The following RBBP7 variants were observed in gnomAD, a reference collection of about 807,000 sequenced individuals.
The protein encoded by RBBP7 is RB binding protein 7, chromatin remodeling factor.
Under a neutral mutation model 35.2 loss-of-function variants are expected in RBBP7, and 5 were observed. That is an observed-to-expected ratio of 0.14 (90% CI 0.07 to 0.30). The LOEUF (loss-of-function observed/expected upper bound fraction) is 0.30, where lower values mean the gene tolerates loss of function less well. Among genes scored for constraint, RBBP7 ranks in the 10% least tolerant of loss-of-function variants. The pLI, the probability that RBBP7 is intolerant of heterozygous loss-of-function variation, is 1.00. For missense variants in RBBP7, 155 were observed against 327.5 expected, an observed-to-expected ratio of 0.47 and a Z score of 4.07; for synonymous variants, 140 against 118.7, an observed-to-expected ratio of 1.18 and a Z score of -1.17.
intron 2 of RBBP7, 67 bp downstream of exon 2, chrX:16,869,009 G>A: frequency 2.7e-6 from 3 of 1,126,570 alleles, no homozygotes; most frequent in Non-Finnish European, 2.4e-6. Context: ...TGCATAAAAC[G>A]CCAAAACTAG....
At chrX:16,859,164 C>T (rs1930412173) in intron 3 of RBBP7, among the ~76,000 whole-genome samples, 2 of 112,535 alleles carry the variant, frequency 1.8e-5, no homozygotes, top group Non-Finnish European at 3.8e-5. Flanking sequence ...TTTCAAGTAA[C>T]CATATAATAA....
intron 3 of RBBP7, among the ~76,000 whole-genome samples, chrX:16,860,712 T>C (rs1268832882): frequency 4.6e-5 from 5 of 108,429 alleles, no homozygotes; most frequent in Non-Finnish European, 9.6e-5. Context: ...AAAAAATATA[T>C]ATACTGAATA....
chrX:16,853,033 T>C (rs1318932034), intron 6 of RBBP7, 158 bp from the exon 7 acceptor site: 3 of 855,218 alleles, frequency 3.5e-6, no homozygotes, highest in Non-Finnish European at 3.2e-6. Context: ...GACCACTAAA[T>C]GATACATTCG....
chrX:16,847,823 C>A (rs1440391716), intron 10 of RBBP7: 2 of 110,294 alleles, frequency 1.8e-5, no homozygotes, highest in Non-Finnish European at 3.8e-5. Flanking sequence ...GCCTTGGCCT[C>A]CCAAAGTGCT....
intron 2 of RBBP7, 151 bp downstream of exon 2, chrX:16,868,925 A>G: frequency 1.8e-6 from 1 of 562,980 alleles, no homozygotes; most frequent in Non-Finnish European, 2.7e-6. Flanking sequence ...AAATCATCCC[A>G]CAAATCACGT....
chrX:16,857,829 T>G (rs1322534532), intron 4 of RBBP7, 120 bp from the exon 5 acceptor site: 3 of 992,390 alleles, frequency 3.0e-6, no homozygotes, highest in East Asian at 3.6e-5. Flanking sequence ...ATCTGGTCTT[T>G]AATACCCAAT....
rs1279694940 is a variant in RBBP7 at position 16,853,720 on chromosome X, T to C, written c.720A>G (p.Ser240=). 1 of 1,176,352 alleles carries C rather than the reference T, an allele frequency of 8.5e-7. No homozygotes were observed. Among genetic ancestry groups the C allele is most frequent in the Non-Finnish European group, 1.1e-6 (1 of 879,781 alleles). Residue 240 remains serine, a synonymous_variant, in exon 6 of 12, where the codon TCA becomes TCG. Transcript: ENST00000380087. ...GATCATCAGCAACAGATCCAAACAA[T>C]GACTCGTGCAGCAGGTGCCAGGCCA... ...EDVAWHLLHE[S]LFGSVADDQK... is the part of the protein sequence containing the mutation.
chrX:16,862,897 T>C, intron 3 of RBBP7, 58 bp downstream of exon 3: 1 of 1,144,899 alleles, frequency 8.7e-7, no homozygotes, highest in South Asian at 1.9e-5. Flanking sequence ...TAATAGCATA[T>C]GCTTTGAAAG....
rs1466627469 is a variant in RBBP7 at position 16,863,034 on chromosome X, A to G, written c.228T>C (p.Asn76=). 2.5e-6 allele frequency: 3 copies of G among 1,208,221 alleles called. No individual in the cohort carries two copies. The highest frequency in any genetic ancestry group is 3.4e-6 in the Non-Finnish European group (3 of 893,696). ...TATGTACTCGAGCAACCACCAGATGATTCTGCTCATCAGACGTATGAGTCC... is the reference window on the plus strand; with the variant it reads ...TATGTACTCGAGCAACCACCAGATGGTTCTGCTCATCAGACGTATGAGTCC... ...VLGTHTSDEQ[N]HLVVARVHIP... Residue 76 remains asparagine, a synonymous_variant, in exon 3 of 12, where the codon AAT becomes AAC. Coordinates refer to ENST00000380087, the MANE Select transcript of RBBP7 (RefSeq NM_002893.4).
At chrX:16,861,863 A>C (rs1033963614) in intron 3 of RBBP7, among the ~76,000 whole-genome samples, 2 of 111,344 alleles carry the variant, frequency 1.8e-5, no homozygotes, top group Admixed American at 1.9e-4. Flanking sequence ...TGAACTGATG[A>C]TTTTGTGGTG....
In RBBP7 at chrX:16,844,427, CAA is replaced by C. The variant is rs938466527; in HGVS notation, c.*606_*607del. The C allele has an allele frequency of 8.9e-6, 1 of 112,072 alleles. No individual in the cohort carries two copies. Among genetic ancestry groups the C allele is most frequent in the Non-Finnish European group, 1.9e-5 (1 of 53,240 alleles). The allele number at this position is 112,072 out of a possible 1,213,427, so 9.2% of individuals were successfully genotyped here. A position where few individuals can be genotyped will look rare whatever the true frequency, so the allele number is the denominator to read the frequency against. On this transcript the variant is annotated 3_prime_UTR_variant, in exon 12 of 12. Transcript: ENST00000380087. ...TAAGAGGCAGTCTCGTTTTGCTTTT[CAA>C]AGACATTTTGTAGAGATTTTTCACT...
At chrX:16,855,076 GTCTCAC>G (rs1930317442) in intron 5 of RBBP7, among the ~76,000 whole-genome samples, 1 of 98,009 alleles carries the variant, frequency 1.0e-5, no homozygotes, top group Non-Finnish European at 2.0e-5. Flanking sequence ...TTGAGACGGA[GTCTCAC>G]TCTCTTGCCT....
At chrX:16,852,447 A>G (rs1319983125) in intron 8 of RBBP7, 104 bp downstream of exon 8, 1 of 874,465 alleles carries the variant, frequency 1.1e-6, no homozygotes, top group East Asian at 3.1e-5. Flanking sequence ...CACCACGTAC[A>G]AGACATTTTT....
At position 16,852,889 on chromosome X, in the gene RBBP7, G is replaced by A. The variant is rs765831285; in HGVS notation, c.759-14C>T. On this transcript the variant is annotated splice_polypyrimidine_tract_variant and intron_variant, in intron 6 of 11. Coordinates refer to ENST00000380087, the MANE Select transcript of RBBP7 (RefSeq NM_002893.4). Reference sequence around the variant, plus strand: ...CTGGTGTCCCATCTAAAACACAAAGGTAAAGGCACACGGCACCCAGGGATG... The same window carrying A: ...CTGGTGTCCCATCTAAAACACAAAGATAAAGGCACACGGCACCCAGGGATG... 1 of 1,210,493 alleles carries A rather than the reference G, an allele frequency of 8.3e-7. No individual in the cohort carries two copies. The highest frequency in any genetic ancestry group is 1.8e-5 in the South Asian group (1 of 56,919).
intron 2 of RBBP7, among the ~76,000 whole-genome samples, chrX:16,864,542 A>AAAAAAG (rs1165626105): frequency 2.6e-3 from 105 of 40,477 alleles, no homozygotes; most frequent in African/African-American, 0.011. Context: ...AAAAAAAAAA[A>AAAAAAG]AAAAAGAAAA....
chrX:16,863,931 C>G (rs1163866550), intron 2 of RBBP7, among the ~76,000 whole-genome samples: 2 of 110,853 alleles, frequency 1.8e-5, no homozygotes, highest in Non-Finnish European at 3.8e-5. Context: ...GGTCCCACTT[C>G]AATGAAGAGG....
chrX:16,856,117 A>G (rs778739751), intron 5 of RBBP7, among the ~76,000 whole-genome samples: 1 of 111,385 alleles, frequency 9.0e-6, no homozygotes, highest in Non-Finnish European at 1.9e-5. Context: ...CAATAAAAAG[A>G]CAAAATTAAA....
chrX:16,854,206 A>T (rs1930289036), intron 5 of RBBP7, among the ~76,000 whole-genome samples: 1 of 111,906 alleles, frequency 8.9e-6, no homozygotes, highest in African/African-American at 3.2e-5. Flanking sequence ...TTAAATGCTA[A>T]CATCTTATTT....
chrX:16,847,361 C>T (rs1342450947), intron 10 of RBBP7: 1 of 107,074 alleles, frequency 9.3e-6, no homozygotes, highest in African/African-American at 3.4e-5. Flanking sequence ...GTCCCAGCTA[C>T]TCGGGAGGCT....
Sources: allele counts gnomAD v4.1 joint callset (sites outside exome capture counted in the v4.1 genomes callset), GRCh38; gene constraint gnomAD v4.1.1; transcripts MANE v1.5; gene names NCBI Gene and HGNC (gene_info 2026-07-23, HGNC 2026-07-21).